Variants in ATP2C1 observed in about 807,000 individuals in gnomAD.
ATP2C1 encodes the protein calcium-transporting ATPase type 2C member 1.
A neutral mutation model predicts 120.5 loss-of-function variants in ATP2C1; 31 were observed. The observed-to-expected ratio is 0.26, with a 90% CI of 0.19 to 0.35. The LOEUF is 0.35. Among genes scored for constraint, ATP2C1 ranks in the 10% least tolerant of loss-of-function variants. The pLI is 1.00. For synonymous variants in ATP2C1, 351 were observed against 358.7 expected (o/e 0.98, Z 0.24); for missense variants, 731 against 1,107.5 (o/e 0.66, Z 4.83).
At chr3:131,006,693 T>C (rs1182265546), downstream of ATP2C1, among the ~76,000 whole-genome samples, 1 of 151,736 alleles carries the variant, frequency 6.6e-6, no homozygotes. Context: ...TGTACACTTT[T>C]TTTTTTTTTG....
rs1474045112 is a variant in ATP2C1 at position 131,002,468 on chromosome 3, T to G, written c.*1118T>G. 1 of 985,292 alleles carries G rather than the reference T, an allele frequency of 1.0e-6. No homozygotes were observed. The highest frequency in any genetic ancestry group is 1.2e-6 in the Non-Finnish European group (1 of 829,936). 61.0% of individuals were successfully genotyped at this position (985,292 alleles called of 1,614,324 possible). A position where few individuals can be genotyped will look rare whatever the true frequency, so the allele number is the denominator to read the frequency against. Reference sequence around the variant, plus strand: ...TTTAGCACAAACCTGAGTATATCTCTTCTACTTTCATCATGTGTTCTGTAC... The same window carrying G: ...TTTAGCACAAACCTGAGTATATCTCGTCTACTTTCATCATGTGTTCTGTAC... On this transcript the variant is annotated 3_prime_UTR_variant, in exon 28 of 28. Coordinates refer to ENST00000510168, the MANE Select transcript of ATP2C1 (RefSeq NM_001378687.1).
At chr3:130,999,409 C>A in intron 26 of ATP2C1, 109 bp from the exon 27 acceptor site, 2 of 1,061,962 alleles carry the variant, frequency 1.9e-6, no homozygotes, top group East Asian at 2.4e-5. Context: ...TGACATTGCA[C>A]AATTCAGTGA....
At chr3:130,854,143 T>C (rs2067763659) in intron 1 of ATP2C1, 1 of 152,200 alleles carries the variant, frequency 6.6e-6, no homozygotes, top group African/African-American at 2.4e-5. Context: ...TGGTAGGTTA[T>C]TTATCAAATT....
At chr3:130,926,248 A>G (rs1559931686) in intron 2 of ATP2C1, among the ~76,000 whole-genome samples, 1 of 152,168 alleles carries the variant, frequency 6.6e-6, no homozygotes. Context: ...TGGGAGATAC[A>G]AGCTAGTCCT....
At chr3:131,007,738 G>A (rs555363991), downstream of ATP2C1, among the ~76,000 whole-genome samples, 3 of 152,260 alleles carry the variant, frequency 2.0e-5, no homozygotes, top group South Asian at 6.2e-4. Flanking sequence ...ACAATTTGGT[G>A]CCATCTTAGG....
At position 130,888,610 on chromosome 3, in the gene ATP2C1, G is replaced by A. The variant is rs190958682; in HGVS notation, c.108+37682G>A. On this transcript the variant is annotated intron_variant, in intron 1 of 26. Transcript: ENST00000504381. ...ATGGCTTTGCTCTCCACTGTGACAT[G>A]GCAGCACTGAGTTCAATAGAAAGAC... Among the ~76,000 whole-genome samples the A allele has an allele frequency of 5.9e-5, 9 of 152,242 alleles. No individual in the cohort carries two copies. In the East Asian group the frequency reaches 1.4e-3, roughly 23 times the overall value.
intron 2 of ATP2C1, among the ~76,000 whole-genome samples, chr3:130,921,906 A>T (rs866613252): frequency 6.6e-6 from 1 of 152,028 alleles, no homozygotes; most frequent in African/African-American, 2.4e-5. Flanking sequence ...TTTATTAAGG[A>T]TATTGGTCTG....
intron 4 of ATP2C1, 48 bp from the exon 5 acceptor site, chr3:130,934,574 C>G: frequency 8.3e-7 from 1 of 1,205,916 alleles, no homozygotes; most frequent in Admixed American, 1.7e-5. Flanking sequence ...GCTGAGAGAA[C>G]TGTCATGTAC....
intron 1 of ATP2C1, among the ~76,000 whole-genome samples, chr3:130,883,059 G>A (rs1039262126): frequency 2.0e-5 from 3 of 152,038 alleles, no homozygotes; most frequent in Non-Finnish European, 4.4e-5. Context: ...ATTTCTTCAT[G>A]GTTCAATCTT....
chr3:130,865,900 T>G (rs1285009600), intron 1 of ATP2C1, among the ~76,000 whole-genome samples: 1 of 152,248 alleles, frequency 6.6e-6, no homozygotes, highest in Non-Finnish European at 1.5e-5. Context: ...AGATCATCTT[T>G]ATGTTGATTT....
intron 20 of ATP2C1, among the ~76,000 whole-genome samples, chr3:130,986,740 G>T (rs375278036): frequency 6.6e-6 from 1 of 152,060 alleles, no homozygotes; most frequent in Non-Finnish European, 1.5e-5. Context: ...TATTATTAGA[G>T]AATTTTTTGT....
At chr3:130,975,548 G>T (rs2061500514) in intron 18 of ATP2C1, 60 bp downstream of exon 18, 7 of 1,549,278 alleles carry the variant, frequency 4.5e-6, no homozygotes, top group Non-Finnish European at 6.2e-6. Flanking sequence ...TTTAATTGCA[G>T]ATGAATTCAT....
chr3:130,933,145 A>T (rs1183859724), intron 4 of ATP2C1, among the ~76,000 whole-genome samples: 1 of 152,160 alleles, frequency 6.6e-6, no homozygotes, highest in African/African-American at 2.4e-5. Context: ...TGATCCTGTT[A>T]CCAAAGCTAG....
At chr3:130,879,881 G>C (rs1363083202) in intron 1 of ATP2C1, among the ~76,000 whole-genome samples, 1 of 152,176 alleles carries the variant, frequency 6.6e-6, no homozygotes, top group Non-Finnish European at 1.5e-5. Flanking sequence ...TGCTGGATGG[G>C]GATGCCAGGT....
chr3:130,868,327 G>A (rs1224984356), intron 1 of ATP2C1: 1 of 136,228 alleles, frequency 7.3e-6, no homozygotes, highest in Non-Finnish European at 1.6e-5. Flanking sequence ...CTACTGGGAA[G>A]TGAGGAGCCC....
chr3:130,902,933 A>G (rs535627465), intron 2 of ATP2C1, among the ~76,000 whole-genome samples: 13 of 152,048 alleles, frequency 8.5e-5, no homozygotes, highest in Middle Eastern at 6.8e-3. Flanking sequence ...TCATAGCCTC[A>G]GTGTTTAAAG....
intron 12 of ATP2C1, among the ~76,000 whole-genome samples, chr3:130,962,532 A>G (rs2060863976): frequency 6.6e-6 from 1 of 151,892 alleles, no homozygotes; most frequent in Non-Finnish European, 1.5e-5. Flanking sequence ...TCAGGTATAG[A>G]TGCCTTCAAG....
At chr3:130,874,510 A>G (rs1013014266) in intron 1 of ATP2C1, among the ~76,000 whole-genome samples, 2 of 152,232 alleles carry the variant, frequency 1.3e-5, no homozygotes, top group African/African-American at 4.8e-5. Flanking sequence ...ATCAACCAAC[A>G]TTTTAACCTA....
chr3:131,003,009 T>C lies in ATP2C1; in HGVS notation c.*1659T>C, dbSNP rs992920282. Reference sequence around the variant, plus strand: ...TTTTGTAATGATTTTTATTCTCTGTTACAAAGACTTGAAATACGTATTAAA... The same window carrying C: ...TTTTGTAATGATTTTTATTCTCTGTCACAAAGACTTGAAATACGTATTAAA... On this transcript the variant is annotated 3_prime_UTR_variant, in exon 28 of 28. Transcript: ENST00000510168. The C allele has an allele frequency of 7.1e-6, 7 of 985,768 alleles. No individual in the cohort carries two copies. Among genetic ancestry groups the C allele is most frequent in the Non-Finnish European group, 8.4e-6 (7 of 829,814 alleles). 61.1% of individuals were successfully genotyped at this position (985,768 alleles called of 1,614,324 possible). A position where few individuals can be genotyped will look rare whatever the true frequency, so the allele number is the denominator to read the frequency against.
Sources: gnomAD v4.1 joint callset for allele counts (sites outside exome capture counted in the v4.1 genomes callset) on GRCh38, gnomAD v4.1.1 for gene constraint, MANE v1.5 for transcripts, NCBI Gene and HGNC (gene_info 2026-07-23, HGNC 2026-07-21) for gene names.